AFF3: variants seen among roughly 807,000 people sequenced by gnomAD.
AFF3 encodes the protein AF4/FMR2 family member 3.
In AFF3, 32 loss-of-function variants were observed where a neutral mutation model predicts 129.7. That is an observed-to-expected ratio of 0.25 (90% confidence interval 0.19 to 0.33). AFF3 has a LOEUF of 0.33. Ranked by LOEUF, AFF3 falls within the 10% of genes least tolerant of loss-of-function variation. The pLI is 1.00. For synonymous variants in AFF3, 644 were observed against 635.4 expected, an observed-to-expected ratio of 1.01 and a Z score of -0.20; for missense variants, 1,373 against 1,592.0, an observed-to-expected ratio of 0.86 and a Z score of 2.34.
intron 7 of AFF3, among the ~76,000 whole-genome samples, chr2:99,997,483 C>G (rs891276483): frequency 1.8e-4 from 28 of 151,900 alleles, no homozygotes; most frequent in South Asian, 1.7e-3. Context: ...TCACCCCCCC[C>G]CCAGATTAGC....
chr2:99,979,483 A>T (rs530339520), intron 7 of AFF3, among the ~76,000 whole-genome samples: 1 of 151,992 alleles, frequency 6.6e-6, no homozygotes, highest in Non-Finnish European at 1.5e-5. Flanking sequence ...ATTTTTTTAA[A>T]TTCTTTATCT....
intron 4 of AFF3, among the ~76,000 whole-genome samples, chr2:100,056,577 A>G (rs569210254): frequency 6.6e-6 from 1 of 152,202 alleles, no homozygotes; most frequent in South Asian, 2.1e-4. Context: ...TTTTTTAGTC[A>G]TTCTCATTAT....
At chr2:99,977,306 T>C (rs922365818) in intron 7 of AFF3, among the ~76,000 whole-genome samples, 1 of 152,180 alleles carries the variant, frequency 6.6e-6, no homozygotes, top group Non-Finnish European at 1.5e-5. Context: ...TCGCTCTCAC[T>C]GCCTCAACAT....
At chr2:99,759,794 A>G (rs1275509762) in intron 8 of AFF3, among the ~76,000 whole-genome samples, 1 of 152,242 alleles carries the variant, frequency 6.6e-6, no homozygotes, top group Non-Finnish European at 1.5e-5. Flanking sequence ...TTGATTATCC[A>G]TTACATTAAA....
Position 99,655,213 on chromosome 2 carries a change from TACACACACACACACAC to T in AFF3, c.1144-5563_1144-5548del, listed in dbSNP as rs59646108. 5.3e-3 allele frequency among the ~76,000 whole-genome samples: 690 copies of T among 130,354 alleles called. 9 individuals carry two copies. Among genetic ancestry groups the T allele is most frequent in the Non-Finnish European group, 6.6e-3 (411 of 62,026 alleles). The allele number at this position is 130,354 out of a possible 152,430, so 85.5% of individuals were successfully genotyped here. On this transcript the variant is annotated intron_variant, in intron 12 of 24. Coordinates refer to ENST00000672756, the MANE Select transcript of AFF3 (RefSeq NM_001386135.1). ...TAGAGGTGGGGCAGACATGAAAAGCTACACACACACACACACACACACACACACACACACACACACA... is the reference window on the plus strand; with the variant it reads ...TAGAGGTGGGGCAGACATGAAAAGCTACACACACACACACACACACACACA...
intron 18 of AFF3, among the ~76,000 whole-genome samples, chr2:99,573,482 G>C (rs748551514): frequency 5.9e-5 from 9 of 152,210 alleles, no homozygotes; most frequent in East Asian, 1.9e-4. Context: ...AGCCCCTGGT[G>C]GGGGAGCGCC....
intron 13 of AFF3, among the ~76,000 whole-genome samples, chr2:99,637,771 C>T (rs976291494): frequency 4.6e-5 from 7 of 152,202 alleles, no homozygotes; most frequent in Admixed American, 3.9e-4. Context: ...TAAGTCTTCT[C>T]TCTCTTAATT....
At position 100,129,321 on chromosome 2, in the gene AFF3, C is replaced by T. The variant is rs764555960; in HGVS notation, c.-227-15G>A. On this transcript the variant is annotated splice_polypyrimidine_tract_variant and intron_variant, in intron 1 of 24. Transcript: ENST00000672756. ...TGTGAAACTTTCTGCAAAACAAAAG[C>T]GATTGGGTATTTAGGCAAAAACATC... 11 of 150,994 alleles carry T rather than the reference C, an allele frequency of 7.3e-5. No individual in the cohort carries two copies. The highest frequency in any genetic ancestry group is 1.7e-4 in the African/African-American group (7 of 40,998). 9.4% of individuals were successfully genotyped at this position (150,994 alleles called of 1,614,324 possible).
chr2:99,802,131 A>G (rs935652972), intron 8 of AFF3, among the ~76,000 whole-genome samples: 1 of 152,244 alleles, frequency 6.6e-6, no homozygotes, highest in African/African-American at 2.4e-5. Context: ...AAACTTTCAA[A>G]GCTCACTACT....
intron 10 of AFF3, among the ~76,000 whole-genome samples, chr2:99,737,769 A>G (rs1394730823): frequency 1.3e-5 from 2 of 151,706 alleles, no homozygotes; most frequent in African/African-American, 4.8e-5. Context: ...CCTTTCTGAA[A>G]TTCTAGTTAG....
At position 99,549,730 on chromosome 2, in the gene AFF3, A is replaced by C. The variant is rs1329885518; in HGVS notation, c.*1744T>G. ...ATTTTCAATTAATTTCAAATCATCT[A>C]AGTTGTTCAGTCATTTATACAATTT... On this transcript the variant is annotated 3_prime_UTR_variant, in exon 25 of 25. Coordinates refer to ENST00000672756, the MANE Select transcript of AFF3 (RefSeq NM_001386135.1). 4.5e-6 allele frequency: 1 copy of C among 220,020 alleles called. No homozygotes were observed. The highest frequency in any genetic ancestry group is 9.1e-6 in the Non-Finnish European group (1 of 109,870). The allele number at this position is 220,020 out of a possible 1,614,324, so 13.6% of individuals were successfully genotyped here. A position where few individuals can be genotyped will look rare whatever the true frequency, so the allele number is the denominator to read the frequency against.
At chr2:100,106,407 A>G in intron 2 of AFF3, 2 of 1,070,114 alleles carry the variant, frequency 1.9e-6, no homozygotes, top group Non-Finnish European at 2.3e-6. Context: ...TGGCTGCCCA[A>G]ATCCCAATGC....
chr2:99,587,617 A>G (rs565950009), intron 15 of AFF3, among the ~76,000 whole-genome samples: 2 of 152,276 alleles, frequency 1.3e-5, no homozygotes, highest in Admixed American at 6.5e-5. Flanking sequence ...AGCGGCACTC[A>G]CCTTGGCATT....
chr2:100,041,286 A>G (rs1685407306), intron 4 of AFF3, among the ~76,000 whole-genome samples: 1 of 152,248 alleles, frequency 6.6e-6, no homozygotes, highest in Admixed American at 6.5e-5. Context: ...AGTAAAGATT[A>G]CATATGCAGG....
chr2:99,902,525 C>T (rs1219412001), intron 7 of AFF3, among the ~76,000 whole-genome samples: 3 of 152,166 alleles, frequency 2.0e-5, no homozygotes, highest in East Asian at 1.9e-4. Flanking sequence ...GCAGGGGTAC[C>T]TCATTTTACA....
At chr2:99,703,208 T>G (rs1297780458) in intron 11 of AFF3, among the ~76,000 whole-genome samples, 3 of 152,138 alleles carry the variant, frequency 2.0e-5, no homozygotes, top group Admixed American at 2.0e-4. Context: ...TTTTTCCAGT[T>G]TCTAGAGGCG....
At chr2:99,986,507 T>C (rs576127132) in intron 7 of AFF3, among the ~76,000 whole-genome samples, 1 of 152,236 alleles carries the variant, frequency 6.6e-6, no homozygotes, top group African/African-American at 2.4e-5. Context: ...TTTAAACTGA[T>C]TTTCCTCCCC....
chr2:100,079,662 A>C (rs958317848), intron 4 of AFF3, among the ~76,000 whole-genome samples: 2 of 152,056 alleles, frequency 1.3e-5, no homozygotes, highest in African/African-American at 4.8e-5. Flanking sequence ...CCCCAACAGA[A>C]CTCACGCTTC....
Position 99,916,494 on chromosome 2 carries a change from G to A in AFF3, c.874-78970C>T, listed in dbSNP as rs866700788. On this transcript the variant is annotated intron_variant, in intron 7 of 24. Transcript: ENST00000672756. ...TTGGCACACAAGACATCTAATATAC[G>A]GTGAAGAATTGAACTTAGGATGAGA... Among the ~76,000 whole-genome samples the A allele has an allele frequency of 3.7e-4, 56 of 152,090 alleles. 1 individual carries two copies. Among genetic ancestry groups the A allele is most frequent in the Admixed American group, 8.5e-4 (13 of 15,270 alleles).
Sources: allele counts gnomAD v4.1 joint callset (sites outside exome capture counted in the v4.1 genomes callset), GRCh38; gene constraint gnomAD v4.1.1; transcripts MANE v1.5; gene names NCBI Gene and HGNC (gene_info 2026-07-23, HGNC 2026-07-21).